The following SDCCAG8 variants were observed in gnomAD, a reference collection of about 807,000 sequenced individuals.
SDCCAG8 encodes serologically defined colon cancer antigen 8.
Under a neutral mutation model 101.8 loss-of-function variants are expected in SDCCAG8, and 74 were observed. The ratio of observed to expected loss-of-function variants is 0.73; its 90% CI spans 0.60 to 0.88. The LOEUF is 0.88. Among genes scored for constraint, SDCCAG8 ranks in the 40% least tolerant of loss-of-function variants. SDCCAG8 has a pLI of 0.00. For missense variants in SDCCAG8, 787 were observed against 822.6 expected, an observed-to-expected ratio of 0.96 and a Z score of 0.53; for synonymous variants, 281 against 292.9, an observed-to-expected ratio of 0.96 and a Z score of 0.41.
chr1:243,280,446 C>G (rs1240354650), intron 4 of SDCCAG8, among the ~76,000 whole-genome samples: 2 of 151,846 alleles, frequency 1.3e-5, no homozygotes, highest in East Asian at 3.9e-4. Flanking sequence ...GATTTTTACT[C>G]TAATTTTTAT....
At chr1:243,432,513 ATACCCC>A (rs2081855793) in intron 16 of SDCCAG8, among the ~76,000 whole-genome samples, 1 of 152,234 alleles carries the variant, frequency 6.6e-6, no homozygotes, top group Non-Finnish European at 1.5e-5. Context: ...ACCTGCACGT[ATACCCC>A]TGAACTTAAA....
At chr1:243,473,155 C>G (rs1661589861) in intron 16 of SDCCAG8, among the ~76,000 whole-genome samples, 1 of 151,968 alleles carries the variant, frequency 6.6e-6, no homozygotes. Flanking sequence ...GGAAGAAATC[C>G]CTACTTTAAT....
At chr1:243,342,614 G>T (rs1243253391) in intron 11 of SDCCAG8, among the ~76,000 whole-genome samples, 9 of 152,070 alleles carry the variant, frequency 5.9e-5, no homozygotes, top group Non-Finnish European at 1.3e-4. Context: ...TATCAGTTCG[G>T]GGTTTTATTC....
chr1:243,389,166 A>T (rs1195512929), intron 13 of SDCCAG8, among the ~76,000 whole-genome samples: 1 of 147,782 alleles, frequency 6.8e-6, no homozygotes, highest in African/African-American at 2.5e-5. Context: ...CCCCAAAAAA[A>T]AAATAATAAA....
chr1:243,287,105 A>C (rs1043102090), intron 5 of SDCCAG8, among the ~76,000 whole-genome samples: 1 of 152,202 alleles, frequency 6.6e-6, no homozygotes, highest in Non-Finnish European at 1.5e-5. Flanking sequence ...GGGTCAGATT[A>C]TCTCTATAAT....
rs1261885866 is a variant in SDCCAG8 at position 243,474,834 on chromosome 1, G to A, written c.1986-14180G>A. Among the ~76,000 whole-genome samples, 2 of 152,238 alleles carry A rather than the reference G, an allele frequency of 1.3e-5. No homozygotes were observed. The highest frequency in any genetic ancestry group is 2.4e-5 in the African/African-American group (1 of 41,460). On this transcript the variant is annotated intron_variant, in intron 16 of 17. Transcript: ENST00000366541. The surrounding 1 kb of genome is among the most constrained non-coding windows in gnomAD (Gnocchi z 4.7). ...AACGTGCACAGCCGCTCCTAACTCCGTCAACGGAATTTCACTCAACTCCGA... is the reference window on the plus strand; with the variant it reads ...AACGTGCACAGCCGCTCCTAACTCCATCAACGGAATTTCACTCAACTCCGA...
intron 10 of SDCCAG8, among the ~76,000 whole-genome samples, chr1:243,332,522 C>T (rs867635085): frequency 2.2e-4 from 33 of 151,536 alleles, no homozygotes; most frequent in Admixed American, 5.3e-4. Context: ...AGGTGATTTT[C>T]GCAGTCCAGG....
At chr1:243,490,676 T>C (rs1195520048) in intron 17 of SDCCAG8, among the ~76,000 whole-genome samples, 1 of 152,238 alleles carries the variant, frequency 6.6e-6, no homozygotes, top group Non-Finnish European at 1.5e-5. Flanking sequence ...CACGGGCCCT[T>C]GGGCACACAG....
At chr1:243,376,508 T>G (rs1024774952) in intron 12 of SDCCAG8, among the ~76,000 whole-genome samples, 2 of 152,196 alleles carry the variant, frequency 1.3e-5, no homozygotes, top group African/African-American at 2.4e-5. Context: ...TAATTTGTAC[T>G]TAAAACCTAA....
At chr1:243,256,265 C>T (rs1448890753) in intron 1 of SDCCAG8, 25 bp downstream of exon 1, 5 of 1,609,134 alleles carry the variant, frequency 3.1e-6, no homozygotes, top group Middle Eastern at 1.7e-4. Context: ...ACCTCTGTCC[C>T]TAGCCCCGAG....
At chr1:243,399,580 T>G (rs531328219) in intron 13 of SDCCAG8, among the ~76,000 whole-genome samples, 1 of 152,026 alleles carries the variant, frequency 6.6e-6, no homozygotes, top group Non-Finnish European at 1.5e-5. Context: ...GATCTCAGCT[T>G]ACTGCAACCT....
At chr1:243,362,054 G>T in intron 12 of SDCCAG8, among the ~76,000 whole-genome samples, 1 of 144,996 alleles carries the variant, frequency 6.9e-6, no homozygotes, top group Non-Finnish European at 1.5e-5. Context: ...TGGATAGGTG[G>T]GTGAAGAGAT....
chr1:243,327,176 C>T (rs2074208982), intron 9 of SDCCAG8, among the ~76,000 whole-genome samples: 3 of 151,956 alleles, frequency 2.0e-5, no homozygotes, highest in African/African-American at 7.3e-5. Flanking sequence ...AGAGAAATAA[C>T]AGCCGCAGGC....
chr1:243,299,173 A>G (rs1296124252), intron 6 of SDCCAG8, among the ~76,000 whole-genome samples: 1 of 152,216 alleles, frequency 6.6e-6, no homozygotes, highest in Non-Finnish European at 1.5e-5. Context: ...GCTATCATAA[A>G]TGACACATAT....
chr1:243,421,287 T>C (rs1450678690), intron 15 of SDCCAG8, among the ~76,000 whole-genome samples: 2 of 152,226 alleles, frequency 1.3e-5, no homozygotes, highest in Non-Finnish European at 2.9e-5. Flanking sequence ...AAAACAAGAT[T>C]TTAAACTCAC....
chr1:243,268,446 C>T (rs1397527874), intron 1 of SDCCAG8, among the ~76,000 whole-genome samples: 2 of 152,144 alleles, frequency 1.3e-5, no homozygotes, highest in Non-Finnish European at 2.9e-5. Context: ...CATGATGAGT[C>T]AGAGGAGGCC....
rs545389392 is a variant in SDCCAG8 at position 243,367,994 on chromosome 1, G to A, written c.1474-10727G>A. 2.7e-4 allele frequency among the ~76,000 whole-genome samples: 41 copies of A among 151,634 alleles called. No homozygotes were observed. The South Asian group carries it at 7.7e-3, about 28-fold the overall frequency. ...TTTGGGAGGTCAAGGCAGGAGGATC[G>A]CTTGAGCCCAGGAGTTCAAGACCAG... On this transcript the variant is annotated intron_variant, in intron 12 of 17. Transcript: ENST00000366541.
chr1:243,488,580 G>A (rs574351421), intron 16 of SDCCAG8: 13 of 228,334 alleles, frequency 5.7e-5, no homozygotes, highest in African/African-American at 3.0e-4. Context: ...GATTGACTGA[G>A]TGATTAATAA....
chr1:243,426,015 C>T (rs2148041692), intron 15 of SDCCAG8, among the ~76,000 whole-genome samples: 1 of 152,288 alleles, frequency 6.6e-6, no homozygotes, highest in South Asian at 2.1e-4. Context: ...TTTATTTTAA[C>T]TGTGTGCCAT....
Sources: gnomAD v4.1 joint callset for allele counts (sites outside exome capture counted in the v4.1 genomes callset) on GRCh38, gnomAD v4.1.1 for gene constraint, Gnocchi (gnomAD v3.1) non-coding constraint, MANE v1.5 for transcripts, NCBI Gene and HGNC (gene_info 2026-07-23, HGNC 2026-07-21) for gene names.